Variants in GALNT5 observed in about 807,000 individuals in gnomAD.
GALNT5 encodes polypeptide N-acetylgalactosaminyltransferase 5, also known as UDP-GalNAc:polypeptide N-acetylgalactosaminyltransferase 5.
In GALNT5, 72 loss-of-function variants were observed where a neutral mutation model predicts 85.4. The observed-to-expected ratio is 0.84, with a 90% CI of 0.70 to 1.03. The LOEUF (loss-of-function observed/expected upper bound fraction) is 1.03. Among genes scored for constraint, GALNT5 ranks in the 50% least tolerant of loss-of-function variants. The probability of loss-of-function intolerance (pLI) is 0.00; values close to 1 mark genes in which losing one functional copy is unlikely to be tolerated. For missense variants in GALNT5, 1,137 were observed against 1,135.5 expected, an observed-to-expected ratio of 1.00 and a Z score of -0.02; for synonymous variants, 404 against 397.0, an observed-to-expected ratio of 1.02 and a Z score of -0.21.
At chr2:157,259,815 C>T (rs147663676) in intron 1 of GALNT5, among the ~76,000 whole-genome samples, 1 of 152,170 alleles carries the variant, frequency 6.6e-6, no homozygotes, top group Non-Finnish European at 1.5e-5. Context: ...ATTAGATGAA[C>T]TCAGTTCATA....
chr2:157,303,376 T>C (rs1327454886), intron 7 of GALNT5, among the ~76,000 whole-genome samples: 2 of 152,228 alleles, frequency 1.3e-5, no homozygotes, highest in Non-Finnish European at 2.9e-5. Flanking sequence ...TTACACTGGA[T>C]TAAACCGCTG....
intron 1 of GALNT5, among the ~76,000 whole-genome samples, chr2:157,261,619 T>C (rs950698608): frequency 1.3e-5 from 2 of 152,246 alleles, no homozygotes; most frequent in Non-Finnish European, 2.9e-5. Context: ...CCAGGGATCC[T>C]GGACCTGGGG....
intron 1 of GALNT5, among the ~76,000 whole-genome samples, chr2:157,283,929 G>A (rs1682909538): frequency 6.6e-6 from 1 of 152,140 alleles, no homozygotes; most frequent in Admixed American, 6.5e-5. Context: ...GAGAAATATT[G>A]GCCATGAGAT....
At chr2:157,294,810 AC>A (rs1683177517) in intron 3 of GALNT5, among the ~76,000 whole-genome samples, 1 of 149,712 alleles carries the variant, frequency 6.7e-6, no homozygotes, top group South Asian at 2.1e-4. Flanking sequence ...ACACACACAC[AC>A]ACACACACAC....
At chr2:157,301,737 T>A (rs1021570327) in intron 7 of GALNT5, 2 of 152,340 alleles carry the variant, frequency 1.3e-5, no homozygotes, top group African/African-American at 4.8e-5. Flanking sequence ...TGGGAAGTTA[T>A]TGAGCAGAGT....
chr2:157,297,582 A>G (rs551287711), intron 5 of GALNT5, among the ~76,000 whole-genome samples: 1 of 152,334 alleles, frequency 6.6e-6, no homozygotes, highest in South Asian at 2.1e-4. Flanking sequence ...TTGAGGGCCA[A>G]TGTAGTGGTT....
rs1332764554 is a variant in GALNT5 at position 157,313,020 on chromosome 2, C to A, written c.*1672C>A. On this transcript the variant is annotated 3_prime_UTR_variant, in exon 10 of 10. Coordinates refer to ENST00000259056, the MANE Select transcript of GALNT5 (RefSeq NM_014568.3). ...CTATAACTAAGAATGGGAAAAAGAA[C>A]TATTTCTGCACATTTGTAACATATT... 1.3e-5 allele frequency: 2 copies of A among 152,088 alleles called. No individual in the cohort carries two copies. Among genetic ancestry groups the A allele is most frequent in the African/African-American group, 2.4e-5 (1 of 41,424 alleles). The allele number at this position is 152,088 out of a possible 1,614,324, so 9.4% of individuals were successfully genotyped here. A position where few individuals can be genotyped will look rare whatever the true frequency, so the allele number is the denominator to read the frequency against.
At chr2:157,275,886 T>C (rs1006279670) in intron 1 of GALNT5, among the ~76,000 whole-genome samples, 2 of 152,240 alleles carry the variant, frequency 1.3e-5, no homozygotes, top group African/African-American at 2.4e-5. Context: ...GAGGGGCAAC[T>C]TGTCTTGTGC....
intron 9 of GALNT5, among the ~76,000 whole-genome samples, chr2:157,309,757 A>G (rs1683528124): frequency 6.6e-6 from 1 of 151,968 alleles, no homozygotes; most frequent in Non-Finnish European, 1.5e-5. Flanking sequence ...ATTCTCCAAC[A>G]TTTCTCCCAT....
intron 2 of GALNT5, among the ~76,000 whole-genome samples, chr2:157,284,698 C>T (rs1682934642): frequency 6.6e-6 from 1 of 152,182 alleles, no homozygotes; most frequent in African/African-American, 2.4e-5. Context: ...CTAACTATGG[C>T]TCCTTGGAGA....
intron 1 of GALNT5, among the ~76,000 whole-genome samples, chr2:157,281,740 C>T (rs1200256175): frequency 6.6e-6 from 1 of 152,122 alleles, no homozygotes; most frequent in African/African-American, 2.4e-5. Flanking sequence ...AAATATAGAG[C>T]ACATGATTGA....
chr2:157,278,717 G>C (rs1682793025), intron 1 of GALNT5, among the ~76,000 whole-genome samples: 1 of 152,130 alleles, frequency 6.6e-6, no homozygotes, highest in Non-Finnish European at 1.5e-5. Context: ...CATTCGTCTA[G>C]TGTTTTTTCA....
intron 3 of GALNT5, among the ~76,000 whole-genome samples, chr2:157,288,301 T>A (rs977062392): frequency 6.6e-6 from 1 of 152,248 alleles, no homozygotes; most frequent in African/African-American, 2.4e-5. Flanking sequence ...AAAATTGGCA[T>A]TGCAGTGACA....
At chr2:157,292,376 A>G (rs1303108894) in intron 3 of GALNT5, among the ~76,000 whole-genome samples, 1 of 152,198 alleles carries the variant, frequency 6.6e-6, no homozygotes, top group Non-Finnish European at 1.5e-5. Context: ...TTATTTTAAA[A>G]CAAAGTGTCT....
chr2:157,271,613 G>C (rs554885965), intron 1 of GALNT5, among the ~76,000 whole-genome samples: 1 of 152,188 alleles, frequency 6.6e-6, no homozygotes, highest in South Asian at 2.1e-4. Flanking sequence ...GTCAGGAAGA[G>C]GGTGAAGTCT....
intron 1 of GALNT5, among the ~76,000 whole-genome samples, chr2:157,274,840 T>C (rs912786256): frequency 6.6e-6 from 1 of 152,228 alleles, no homozygotes; most frequent in Non-Finnish European, 1.5e-5. Context: ...TTTAATTAGA[T>C]CCCATTTGTC....
In GALNT5 at chr2:157,305,756, A is replaced by C. The variant is rs982156030; in HGVS notation, c.2447A>C (p.Asn816Thr). Residue 816 changes from asparagine (N) to threonine (T), a missense_variant, in exon 8 of 10, where the codon AAT becomes ACT. Transcript: ENST00000259056. ...PIVRASGVLI[N>T]VALGKCISIE... ...TCGTATTTTGCTTTTTAGCTTATTA[A>C]TGTGGCTTTGGGTAAATGCATTTCC... The C allele has an allele frequency of 1.3e-5, 20 of 1,593,964 alleles. No individual in the cohort carries two copies.
chr2:157,264,239 C>A (rs1354033216), intron 1 of GALNT5, among the ~76,000 whole-genome samples: 2 of 151,850 alleles, frequency 1.3e-5, no homozygotes, highest in African/African-American at 4.8e-5. Context: ...TGATCCTATG[C>A]AGGGCAGTTC....
intron 1 of GALNT5, among the ~76,000 whole-genome samples, chr2:157,263,188 T>C (rs999430614): frequency 1.1e-4 from 16 of 148,730 alleles, no homozygotes; most frequent in African/African-American, 4.2e-4. Flanking sequence ...ACACTGTCCT[T>C]TTCTGTCTGC....
Sources: gnomAD v4.1 joint callset for allele counts (sites outside exome capture counted in the v4.1 genomes callset) on GRCh38, gnomAD v4.1.1 for gene constraint, MANE v1.5 for transcripts, NCBI Gene and HGNC (gene_info 2026-07-23, HGNC 2026-07-21) for gene names.